NOC4L: variants seen among roughly 807,000 people sequenced by gnomAD.
NOC4L encodes the protein nucleolar complex associated 4 homolog.
In NOC4L, 40 loss-of-function variants were observed where a neutral mutation model predicts 62.8. The ratio of observed to expected loss-of-function variants is 0.64; its 90% CI spans 0.49 to 0.83. The LOEUF (loss-of-function observed/expected upper bound fraction) is 0.83. Among genes scored for constraint, NOC4L ranks in the 40% least tolerant of loss-of-function variants. The probability of loss-of-function intolerance (pLI) is 0.00; values close to 1 mark genes in which losing one functional copy is unlikely to be tolerated. For synonymous variants in NOC4L, 433 were observed against 299.8 expected (o/e 1.44, Z -4.59); for missense variants, 927 against 701.9 (o/e 1.32, Z -3.62).
In NOC4L at chr12:132,151,589, C is replaced by T. The variant is rs762753792; in HGVS notation, c.1179C>T (p.Asn393=). The T allele has an allele frequency of 1.2e-6, 2 of 1,611,260 alleles. No homozygotes were observed. Among genetic ancestry groups the T allele is most frequent in the Admixed American group, 1.7e-5 (1 of 59,918 alleles). Residue 393 remains asparagine, a synonymous_variant, in exon 12 of 15, where the codon AAC becomes AAT. Transcript: ENST00000330579. The stretch of plus-strand genomic sequence containing the variant: ...TCATGGTCCTGCCTTTCATCTGTAA[C>T]CTGCTGCGCCGGCACCCTGCCTGCC... The part of the protein sequence containing the change: ...ALLMVLPFIC[N]LLRRHPACRV...
intron 3 of NOC4L, among the ~76,000 whole-genome samples, chr12:132,146,040 C>G (rs1022120673): frequency 5.3e-5 from 8 of 152,200 alleles, no homozygotes; most frequent in African/African-American, 1.9e-4. Context: ...GCACAGTTTA[C>G]CGTTTAAAGC....
chr12:132,146,380 A>G (rs538504202), intron 3 of NOC4L: 108 of 452,998 alleles, frequency 2.4e-4, no homozygotes, highest in African/African-American at 2.1e-3. Flanking sequence ...GTTGCTGGGC[A>G]TTTGCGTCGT....
In NOC4L at chr12:132,151,751, C is replaced by T. The variant is rs780531667; in HGVS notation, c.1248C>T (p.Asp416=). The change falls in exon 13 of 15, where the codon GAC becomes GAT. Residue 416 remains aspartate, a synonymous_variant. Transcript: ENST00000330579. ...TCTCATTCCTAGAGTTGGACGCCGA[C>T]CCCTACGACCCTGGAGAGGAGGACC... ...HRPHGPELDA[D]PYDPGEEDPA... is the part of the protein sequence containing the mutation. The T allele has an allele frequency of 1.9e-6, 3 of 1,612,270 alleles. No individual in the cohort carries two copies. The highest frequency in any genetic ancestry group is 2.2e-5 in the East Asian group (1 of 44,846).
chr12:132,145,249 C>T (rs1028566401), intron 2 of NOC4L, among the ~76,000 whole-genome samples: 2 of 152,230 alleles, frequency 1.3e-5, no homozygotes, highest in African/African-American at 4.8e-5. Flanking sequence ...GACACGGTCG[C>T]TTAAACTCGG....
intron 4 of NOC4L, 65 bp from the exon 5 acceptor site, chr12:132,147,568 G>C: frequency 6.4e-7 from 1 of 1,574,756 alleles, no homozygotes; most frequent in Non-Finnish European, 8.6e-7. Flanking sequence ...GGGCAGGGCT[G>C]CCTGCCTGGA....
In NOC4L at chr12:132,145,407, A is replaced by G. The variant is rs1020760946; in HGVS notation, c.239-152A>G. ...AGGGCTCAGGGAATGTGCTGGTCTCAGCACAGGTCTGGGGGCCTTAGCGAC... is the reference window on the plus strand; with the variant it reads ...AGGGCTCAGGGAATGTGCTGGTCTCGGCACAGGTCTGGGGGCCTTAGCGAC... On this transcript the variant is annotated intron_variant, in intron 2 of 14. Coordinates refer to ENST00000330579, the MANE Select transcript of NOC4L (RefSeq NM_024078.3). 5 of 585,262 alleles carry G rather than the reference A, an allele frequency of 8.5e-6. No homozygotes were observed. In the African/African-American group the frequency reaches 9.3e-5, roughly 11 times the overall value. The allele number at this position is 585,262 out of a possible 1,614,324, so 36.3% of individuals were successfully genotyped here.
chr12:132,151,308 T>C lies in NOC4L; in HGVS notation c.1013T>C (p.Val338Ala), dbSNP rs1386751561. The stretch of plus-strand genomic sequence containing the variant: ...CTCTACGGCCTCTTGGACCCCTCTG[T>C]CTTTCACGTCAAGTACCGCGCCCGC... The part of the protein sequence containing the change: ...RKLYGLLDPS[V>A]FHVKYRARFF... Residue 338 changes from valine (V) to alanine (A), a missense_variant, in exon 11 of 15, where the codon GTC (valine) becomes GCC (alanine). Coordinates refer to ENST00000330579, the MANE Select transcript of NOC4L (RefSeq NM_024078.3). 1 of 1,611,868 alleles carries C rather than the reference T, an allele frequency of 6.2e-7. No homozygotes were observed. The highest frequency in any genetic ancestry group is 1.3e-5 in the African/African-American group (1 of 74,918).
At position 132,151,624 on chromosome 12, in the gene NOC4L, T is replaced by G. The variant is rs777203946; in HGVS notation, c.1214T>G (p.Val405Gly). ...CGGCACCCTGCCTGCCGGGTCCTCG[T>G]GCACCGTCCACACGGCCCTGGTGAG... ...LRRHPACRVL[V>G]HRPHGPELDA... is the part of the protein sequence containing the mutation. The change falls in exon 12 of 15, where the codon GTG becomes GGG. Residue 405 changes from valine to glycine, a missense_variant. Val to Gly is a moderately radical substitution (Grantham distance 109). Coordinates refer to ENST00000330579, the MANE Select transcript of NOC4L (RefSeq NM_024078.3). 1 of 1,611,830 alleles carries G rather than the reference T, an allele frequency of 6.2e-7. No individual in the cohort carries two copies. The highest frequency in any genetic ancestry group is 1.1e-5 in the South Asian group (1 of 91,016).
At chr12:132,146,463 C>T in intron 3 of NOC4L, 2 of 426,080 alleles carry the variant, frequency 4.7e-6, no homozygotes, top group South Asian at 1.6e-5. Context: ...GTTTCTTTTG[C>T]TTGAATATGC....
At chr12:132,145,096 C>T (rs779601556) in intron 2 of NOC4L, 122 bp downstream of exon 2, 3 of 1,346,782 alleles carry the variant, frequency 2.2e-6, no homozygotes, top group Non-Finnish European at 3.0e-6. Flanking sequence ...GGAGGACGCA[C>T]CAAGCCCACC....
rs994290009 is a variant in NOC4L, at chr12:132,152,167, C to G, written c.1401C>G (p.Ile467Met). The change falls in exon 14 of 15, where the codon ATC becomes ATG. Residue 467 changes from isoleucine to methionine, a missense_variant. Transcript: ENST00000330579. ...NQALSMPEVS[I>M]APLLELTAYE... is the part of the protein sequence containing the mutation. ...CCCTGTCCATGCCTGAGGTCAGCAT[C>G]GCGCCACTGCTGGAGCTCACGGCCT... 6.2e-7 allele frequency: 1 copy of G among 1,612,188 alleles called. No homozygotes were observed. Among genetic ancestry groups the G allele is most frequent in the Non-Finnish European group, 8.5e-7 (1 of 1,179,842 alleles).
Position 132,151,378 on chromosome 12 carries a change from A to G in NOC4L, c.1073+10A>G. The G allele has an allele frequency of 6.2e-7, 1 of 1,607,532 alleles. No homozygotes were observed. Among genetic ancestry groups the G allele is most frequent in the Non-Finnish European group, 8.5e-7 (1 of 1,179,672 alleles). On this transcript the variant is annotated intron_variant, in intron 11 of 14. Transcript: ENST00000330579. ...TCTTCCTGTCCTCCTCGTGAGTACC[A>G]GGGCACCTGGCTCTGCCCTGCTCTG... is the stretch of plus-strand genomic sequence containing the variant.
chr12:132,148,037 G>A (rs1233332069), intron 6 of NOC4L, 35 bp from the exon 7 acceptor site: 9 of 1,613,276 alleles, frequency 5.6e-6, no homozygotes, highest in East Asian at 2.2e-5. Flanking sequence ...CCTCCCCTGC[G>A]GGTCAGGTGA....
chr12:132,148,848 C>A lies in NOC4L; in HGVS notation c.854C>A (p.Ala285Glu). Residue 285 changes from alanine to glutamate, a missense_variant, in exon 9 of 15, where the codon GCG (alanine) becomes GAG (glutamate). Physicochemically the swap from Ala to Glu is moderately radical, Grantham distance 107. Transcript: ENST00000330579. ...IVHDAILPQL[A>E]QPTLMIDFLT... ...CATGACGCCATCCTGCCGCAGCTGG[C>A]GCAGCCCACGCTCATGATCGACTTC... 1 of 1,602,108 alleles carries A rather than the reference C, an allele frequency of 6.2e-7. No individual in the cohort carries two copies. Among genetic ancestry groups the A allele is most frequent in the South Asian group, 1.1e-5 (1 of 90,800 alleles).
In NOC4L at chr12:132,146,294, G is replaced by A. The variant is rs746572592; in HGVS notation, c.345+629G>A. On this transcript the variant is annotated intron_variant, in intron 3 of 14. Coordinates refer to ENST00000330579, the MANE Select transcript of NOC4L (RefSeq NM_024078.3). ...TGTGGCTTCTTCCACTCATCGGCGT[G>A]TTCGAAGTTCGTTCTCTTTGTGGCT... 3.1e-5 allele frequency: 14 copies of A among 455,928 alleles called. No individual in the cohort carries two copies. The East Asian group carries it at 5.6e-4, about 18-fold the overall frequency. The allele number at this position is 455,928 out of a possible 1,614,324, so 28.2% of individuals were successfully genotyped here.
intron 8 of NOC4L, 43 bp from the exon 9 acceptor site, chr12:132,148,741 C>CCGCCCACCCGCCCCTCA (rs2136691358): frequency 2.2e-6 from 1 of 444,638 alleles, no homozygotes; most frequent in Admixed American, 3.8e-5. Flanking sequence ...CCGCCGGCCC[C>CCGCCCACCCGCCCCTCA]CGCCCACCCG....
chr12:132,151,251 C>G lies in NOC4L; in HGVS notation c.963-7C>G. On this transcript the variant is annotated splice_polypyrimidine_tract_variant and splice_region_variant and intron_variant, in intron 10 of 14. Transcript: ENST00000330579. ...TCCATCCGCTGCTCCTTCCCCCCGG[C>G]CCGCAGGGAGTACCCTGACTTCTAC... 6.2e-7 allele frequency: 1 copy of G among 1,608,012 alleles called. No individual in the cohort carries two copies. The highest frequency in any genetic ancestry group is 1.1e-5 in the South Asian group (1 of 91,012).
At chr12:132,150,882 G>T (rs1026725767) in intron 9 of NOC4L, 99 bp from the exon 10 acceptor site, 4 of 852,806 alleles carry the variant, frequency 4.7e-6, no homozygotes, top group Non-Finnish European at 7.5e-6. Context: ...GGGACAGCAG[G>T]GGCAGAGGCC....
rs201236475 is a variant in NOC4L at position 132,151,058 on chromosome 12, G to C, written c.962+17G>C. On this transcript the variant is annotated intron_variant, in intron 10 of 14. Coordinates refer to ENST00000330579, the MANE Select transcript of NOC4L (RefSeq NM_024078.3). ...ACACAACCTGTGAGTGTCACCAGGG[G>C]TGCAGGTCTTCTTCCCAGTCTGCCC... The C allele has an allele frequency of 3.7e-6, 6 of 1,605,890 alleles. No individual in the cohort carries two copies. The highest frequency in any genetic ancestry group is 3.3e-5 in the South Asian group (3 of 90,172).
Sources: allele counts gnomAD v4.1 joint callset (sites outside exome capture counted in the v4.1 genomes callset), GRCh38; gene constraint gnomAD v4.1.1; transcripts MANE v1.5; gene names NCBI Gene and HGNC (gene_info 2026-07-23, HGNC 2026-07-21).